DPF3: variants seen among roughly 807,000 people sequenced by gnomAD.
DPF3 encodes the protein zinc finger protein DPF3.
Under a neutral mutation model 56.8 loss-of-function variants are expected in DPF3, and 18 were observed. The ratio of observed to expected loss-of-function variants is 0.32; its 90% CI spans 0.22 to 0.47. DPF3 has a LOEUF of 0.47. Among genes scored for constraint, DPF3 ranks in the 20% least tolerant of loss-of-function variants. The pLI is 1.00. For synonymous variants in DPF3, 188 were observed against 180.2 expected, an observed-to-expected ratio of 1.04 and a Z score of -0.35; for missense variants, 403 against 488.8, an observed-to-expected ratio of 0.82 and a Z score of 1.65.
chr14:72,698,435 T>A (rs967175729), intron 6 of DPF3, among the ~76,000 whole-genome samples: 4 of 152,168 alleles, frequency 2.6e-5, no homozygotes, highest in Non-Finnish European at 5.9e-5. Context: ...TACCAGCACT[T>A]TGAGGGGCCA....
At chr14:72,798,191 T>C (rs1300674244) in intron 1 of DPF3, among the ~76,000 whole-genome samples, 2 of 135,510 alleles carry the variant, frequency 1.5e-5, no homozygotes, top group Non-Finnish European at 3.0e-5. Flanking sequence ...GAGGTGGAGG[T>C]TGCAGTGAGC....
chr14:72,890,317 C>G (rs1886699669), intron 1 of DPF3, among the ~76,000 whole-genome samples: 1 of 151,886 alleles, frequency 6.6e-6, no homozygotes, highest in African/African-American at 2.4e-5. Context: ...TGGAGAAACC[C>G]CGTCTCCACT....
At chr14:72,692,521 C>T (rs1887733355) in intron 7 of DPF3, among the ~76,000 whole-genome samples, 1 of 152,204 alleles carries the variant, frequency 6.6e-6, no homozygotes, top group African/African-American at 2.4e-5. Flanking sequence ...CAAATCCACC[C>T]AGATCACATT....
intron 5 of DPF3, among the ~76,000 whole-genome samples, chr14:72,718,019 T>A (rs1252556055): frequency 1.3e-5 from 2 of 151,920 alleles, no homozygotes; most frequent in East Asian, 3.9e-4. Context: ...CTCCAAGGGG[T>A]TTGGAATTAG....
chr14:72,688,720 A>G (rs950777563), intron 7 of DPF3, among the ~76,000 whole-genome samples: 1 of 152,168 alleles, frequency 6.6e-6, no homozygotes, highest in African/African-American at 2.4e-5. Context: ...ATGTGTGTGT[A>G]CATATGCATG....
intron 7 of DPF3, among the ~76,000 whole-genome samples, chr14:72,688,779 G>A (rs1162260552): frequency 6.6e-6 from 1 of 152,172 alleles, no homozygotes; most frequent in East Asian, 1.9e-4. Flanking sequence ...GGTGAAGGTG[G>A]TAAAAGAAAT....
intron 1 of DPF3, among the ~76,000 whole-genome samples, chr14:72,874,517 A>G (rs1351470359): frequency 1.3e-5 from 2 of 152,014 alleles, no homozygotes; most frequent in East Asian, 3.9e-4. Flanking sequence ...TTATTCCACC[A>G]GATAACCTAA....
intron 1 of DPF3, among the ~76,000 whole-genome samples, chr14:72,806,389 G>A (rs1878291434): frequency 6.6e-6 from 1 of 152,082 alleles, no homozygotes; most frequent in Non-Finnish European, 1.5e-5. Context: ...AAAGTTCCCT[G>A]AGCCCCTGCT....
chr14:72,749,005 C>T (rs1222537112), intron 3 of DPF3, among the ~76,000 whole-genome samples: 1 of 152,244 alleles, frequency 6.6e-6, no homozygotes, highest in African/African-American at 2.4e-5. Flanking sequence ...CCACCTGGGG[C>T]ACCACCTAGC....
intron 1 of DPF3, among the ~76,000 whole-genome samples, chr14:72,812,263 C>G (rs1883081872): frequency 6.6e-6 from 1 of 152,212 alleles, no homozygotes; most frequent in African/African-American, 2.4e-5. Context: ...CTCTCCCATC[C>G]CACAGGCAGG....
At chr14:72,714,203 C>T (rs1377528475) in intron 6 of DPF3, among the ~76,000 whole-genome samples, 1 of 152,174 alleles carries the variant, frequency 6.6e-6, no homozygotes, top group Non-Finnish European at 1.5e-5. Context: ...TGGGGGCCAC[C>T]CCAGCTGGCT....
At chr14:72,850,136 G>A (rs1338561138) in intron 1 of DPF3, among the ~76,000 whole-genome samples, 1 of 151,958 alleles carries the variant, frequency 6.6e-6, no homozygotes, top group African/African-American at 2.4e-5. Context: ...AATTAGCTAG[G>A]TTTAAAGTCA....
intron 2 of DPF3, among the ~76,000 whole-genome samples, chr14:72,763,754 A>G (rs1020044943): frequency 6.6e-6 from 1 of 152,232 alleles, no homozygotes; most frequent in African/African-American, 2.4e-5. Flanking sequence ...CAAAATTGAA[A>G]ACTTCTGCTC....
intron 1 of DPF3, among the ~76,000 whole-genome samples, chr14:72,874,072 T>TAAAA (rs60863230): frequency 4.6e-5 from 6 of 129,756 alleles, no homozygotes; most frequent in South Asian, 2.4e-4. Flanking sequence ...TAAAGTATGA[T>TAAAA]AAAAAAAAAA....
intron 2 of DPF3, among the ~76,000 whole-genome samples, chr14:72,769,678 C>CAAAAAAAAAAAAAAAAAAAAAAAAA (rs59586674): frequency 2.3e-5 from 1 of 42,768 alleles, no homozygotes; most frequent in Admixed American, 2.2e-4. Context: ...GACTCCATCT[C>CAAAAAAAAAAAAAAAAAAAAAAAAA]AAAAAAAAAA....
chr14:72,821,105 G>A (rs577225685), intron 1 of DPF3, among the ~76,000 whole-genome samples: 103 of 148,780 alleles, frequency 6.9e-4, no homozygotes, highest in Non-Finnish European at 1.2e-3. Flanking sequence ...CTGTACTCCA[G>A]CCTGGGCAAC....
Position 72,752,002 on chromosome 14 carries a change from T to G in DPF3, c.301+1262A>C, listed in dbSNP as rs147688555. Among the ~76,000 whole-genome samples the G allele has an allele frequency of 5.3e-3, 800 of 152,152 alleles. 9 individuals carry two copies. The highest frequency in any genetic ancestry group is 0.018 in the African/African-American group (744 of 41,520). ...CTGGCACCCACTCACCCCTAACAAA[T>G]AAAACTTCTATTTAAGTGAAATACG... On this transcript the variant is annotated intron_variant, in intron 3 of 10. Transcript: ENST00000556509.
At chr14:72,887,722 G>C (rs1166985307) in intron 1 of DPF3, among the ~76,000 whole-genome samples, 1 of 152,178 alleles carries the variant, frequency 6.6e-6, no homozygotes, top group Non-Finnish European at 1.5e-5. Context: ...CAAGCTAGTT[G>C]CCTGTAGCTC....
chr14:72,846,416 A>C (rs1042288889), intron 1 of DPF3, among the ~76,000 whole-genome samples: 2 of 146,814 alleles, frequency 1.4e-5, no homozygotes, highest in African/African-American at 5.1e-5. Flanking sequence ...GCTCACTGCA[A>C]GCTCCGCCTC....
Sources: gnomAD v4.1 joint callset for allele counts (sites outside exome capture counted in the v4.1 genomes callset) on GRCh38, gnomAD v4.1.1 for gene constraint, MANE v1.5 for transcripts, NCBI Gene and HGNC (gene_info 2026-07-23, HGNC 2026-07-21) for gene names.